The following ABI2 variants were observed in gnomAD, a reference collection of about 807,000 sequenced individuals.
The protein encoded by ABI2 is abl interactor 2, also known as abelson interactor 2.
Under a neutral mutation model 59.2 loss-of-function variants are expected in ABI2, and 25 were observed. The observed-to-expected ratio is 0.42, with a 90% CI of 0.31 to 0.59. The LOEUF is 0.59. Ranked by LOEUF, ABI2 falls within the 20% of genes least tolerant of loss-of-function variation. The probability of loss-of-function intolerance (pLI) is 0.14; values close to 1 mark genes in which losing one functional copy is unlikely to be tolerated. For synonymous variants in ABI2, 213 were observed against 235.5 expected (o/e 0.90, Z 0.87); for missense variants, 545 against 681.8 (o/e 0.80, Z 2.23).
rs1166210287 is a variant in ABI2, at chr2:203,392,715, G to GATT, written c.578+1572_578+1573insATT. Among the ~76,000 whole-genome samples the GATT allele has an allele frequency of 6.9e-4, 105 of 152,214 alleles. 1 individual carries two copies. Among genetic ancestry groups the GATT allele is most frequent in the Non-Finnish European group, 8.2e-4 (56 of 68,010 alleles). ...GTGTAGTGCCTTATGGATTTTGTTG[G>GATT]GTTTTAAGTCAAGATTGTTAGTAAG... On this transcript the variant is annotated intron_variant, in intron 5 of 11. Coordinates refer to ENST00000261018, the MANE Select transcript of ABI2 (RefSeq NM_001375670.1).
chr2:203,426,576 T>C (rs951587299), intron 11 of ABI2, among the ~76,000 whole-genome samples: 2 of 152,136 alleles, frequency 1.3e-5, no homozygotes, highest in African/African-American at 2.4e-5. Context: ...GTGCAGCATA[T>C]GTTTTGAAAA....
intron 11 of ABI2, among the ~76,000 whole-genome samples, chr2:203,424,236 G>A (rs987844280): frequency 2.6e-5 from 4 of 152,190 alleles, no homozygotes; most frequent in Non-Finnish European, 4.4e-5. Flanking sequence ...CCGCTTTAGA[G>A]TTACTTTGAT....
At chr2:203,398,491 TA>T (rs1409702965) in intron 8 of ABI2, among the ~76,000 whole-genome samples, 1 of 152,240 alleles carries the variant, frequency 6.6e-6, no homozygotes, top group Non-Finnish European at 1.5e-5. Context: ...ATTAATAATT[TA>T]TATCAGGATA....
chr2:203,394,638 C>T, intron 5 of ABI2, 62 bp from the exon 6 acceptor site: 2 of 1,526,700 alleles, frequency 1.3e-6, no homozygotes, highest in Non-Finnish European at 1.8e-6. Context: ...GCTGGCAACT[C>T]TTTGAATTTA....
intron 11 of ABI2, 38 bp downstream of exon 11, chr2:203,417,119 AC>A: frequency 6.6e-7 from 1 of 1,504,984 alleles, no homozygotes; most frequent in Non-Finnish European, 8.9e-7. Flanking sequence ...ATGGGAAGAA[AC>A]CTCTACATAG....
Position 203,426,785 on chromosome 2 carries a change from T to TA in ABI2, c.1454-373dup, listed in dbSNP as rs59683844. 5.8e-3 allele frequency among the ~76,000 whole-genome samples: 769 copies of TA among 131,806 alleles called. 2 individuals carry two copies. Among genetic ancestry groups the TA allele is most frequent in the Admixed American group, 8.8e-3 (115 of 13,090 alleles). The allele number at this position is 131,806 out of a possible 152,430, so 86.5% of individuals were successfully genotyped here. A position where few individuals can be genotyped will look rare whatever the true frequency, so the allele number is the denominator to read the frequency against. On this transcript the variant is annotated intron_variant, in intron 11 of 11. Transcript: ENST00000261018. ...ATAATTCTAAGGTAAAGAAAAGCTT[T>TA]AAAAAAAAAAAAAAAAAAACCACAA...
At chr2:203,367,151 G>A (rs1296789402) in intron 2 of ABI2, 107 bp downstream of exon 2, 6 of 1,341,326 alleles carry the variant, frequency 4.5e-6, no homozygotes, top group Non-Finnish European at 5.8e-6. Context: ...TCACATGTAC[G>A]ATTTGGAAAA....
intron 9 of ABI2, among the ~76,000 whole-genome samples, chr2:203,405,383 T>C (rs529898088): frequency 6.6e-6 from 1 of 152,314 alleles, no homozygotes; most frequent in South Asian, 2.1e-4. Flanking sequence ...TATTTTATAT[T>C]CATTAGAATA....
rs1271392474 is a variant in ABI2 at position 203,430,709 on chromosome 2, C to T, written c.*3357C>T. ...GTGGCCTGCTAATTTTGCTATGTTC[C>T]TAAAAGTTACTGGGTGTGAGACATT... On this transcript the variant is annotated 3_prime_UTR_variant, in exon 12 of 12. Transcript: ENST00000261018. 1 of 152,140 alleles carries T rather than the reference C, an allele frequency of 6.6e-6. No individual in the cohort carries two copies. Among genetic ancestry groups the T allele is most frequent in the African/African-American group, 2.4e-5 (1 of 41,440 alleles). The allele number at this position is 152,140 out of a possible 1,614,324, so 9.4% of individuals were successfully genotyped here. A position where few individuals can be genotyped will look rare whatever the true frequency, so the allele number is the denominator to read the frequency against.
chr2:203,415,541 CG>C (rs2097855288), intron 10 of ABI2, among the ~76,000 whole-genome samples: 1 of 138,102 alleles, frequency 7.2e-6, no homozygotes. Context: ...GGCATGAACC[CG>C]GGAGGCAGAG....
intron 4 of ABI2, 44 bp from the exon 5 acceptor site, chr2:203,391,002 T>A (rs769708409): frequency 6.6e-7 from 1 of 1,521,590 alleles, no homozygotes; most frequent in South Asian, 1.1e-5. Context: ...AAGTGCCACT[T>A]TATTTCACTG....
chr2:203,359,519 A>G (rs547205698), intron 1 of ABI2, among the ~76,000 whole-genome samples: 1 of 152,342 alleles, frequency 6.6e-6, no homozygotes, highest in East Asian at 1.9e-4. Context: ...GTGCAAGTAT[A>G]TAAATGTATG....
intron 9 of ABI2, among the ~76,000 whole-genome samples, chr2:203,404,810 T>C (rs2097360397): frequency 6.6e-6 from 1 of 152,158 alleles, no homozygotes; most frequent in African/African-American, 2.4e-5. Context: ...CCACTTGCCT[T>C]GGCCTCCCAA....
chr2:203,431,870 TATC>T lies in ABI2; in HGVS notation c.*4521_*4523del, dbSNP rs1196989255. The T allele has an allele frequency of 6.6e-6, 1 of 152,326 alleles. No individual in the cohort carries two copies. The highest frequency in any genetic ancestry group is 3.4e-3 in the Middle Eastern group (1 of 294). The allele number at this position is 152,326 out of a possible 1,614,324, so 9.4% of individuals were successfully genotyped here. A position where few individuals can be genotyped will look rare whatever the true frequency, so the allele number is the denominator to read the frequency against. ...AAGAATTCTATGGAAAAGCAGTTTT[TATC>T]ATATTTTGTGTCCATGCACCATTTT... On this transcript the variant is annotated 3_prime_UTR_variant, in exon 12 of 12. Transcript: ENST00000261018.
At chr2:203,403,742 GTTTTTT>G (rs56123341) in intron 9 of ABI2, among the ~76,000 whole-genome samples, 1 of 95,304 alleles carries the variant, frequency 1.0e-5, no homozygotes, top group Non-Finnish European at 1.9e-5. Flanking sequence ...CTTTCTTTCT[GTTTTTT>G]TTTTTTTTTT....
In ABI2 at chr2:203,366,974, T is replaced by C; in HGVS notation, c.215T>C (p.Val72Ala). The C allele has an allele frequency of 6.2e-7, 1 of 1,613,944 alleles. No individual in the cohort carries two copies. Among genetic ancestry groups the C allele is most frequent in the African/African-American group, 1.3e-5 (1 of 75,034 alleles). ...CTGATAAACACCTTGGCCAACAATG[T>C]CCTGCAGATGCTGGATATCCAGGCA... ...AYLINTLANN[V>A]LQMLDIQASQ... The change falls in exon 2 of 12, where the codon GTC (valine) becomes GCC (alanine). Residue 72 changes from valine (V) to alanine (A), a missense_variant. This residue lies in a region of ABI2 where 36 missense variants were observed against 80.0 expected (regional missense o/e 0.45). Coordinates refer to ENST00000261018, the MANE Select transcript of ABI2 (RefSeq NM_001375670.1).
At chr2:203,396,367 T>A (rs75537332) in intron 7 of ABI2, among the ~76,000 whole-genome samples, 5,695 of 152,154 alleles carry the variant, frequency 0.037, 342 homozygotes, top group African/African-American at 0.13. Context: ...GATTTGTGTT[T>A]TAAAAAAAAT....
At position 203,385,032 on chromosome 2, in the gene ABI2, G is replaced by A. The variant is rs187740640; in HGVS notation, c.480+2826G>A. On this transcript the variant is annotated intron_variant, in intron 4 of 11. Coordinates refer to ENST00000261018, the MANE Select transcript of ABI2 (RefSeq NM_001375670.1). The stretch of plus-strand genomic sequence containing the variant: ...GTACTTTTAGTAGAGACAGGGTTTC[G>A]CCATGTTGGCCAGGTTGGTCTCAAA... Among the ~76,000 whole-genome samples, 91 of 151,434 alleles carry A rather than the reference G, an allele frequency of 6.0e-4. 1 individual carries two copies. Among genetic ancestry groups the A allele is most frequent in the Middle Eastern group, 3.4e-3 (1 of 292 alleles).
chr2:203,390,230 A>G (rs1034951766), intron 4 of ABI2, among the ~76,000 whole-genome samples: 1 of 152,220 alleles, frequency 6.6e-6, no homozygotes, highest in Non-Finnish European at 1.5e-5. Context: ...AATTTTCTGT[A>G]TATATTACAT....
Sources: allele counts gnomAD v4.1 joint callset (sites outside exome capture counted in the v4.1 genomes callset), GRCh38; gene constraint gnomAD v4.1.1; regional missense constraint gnomAD v4.1.1; transcripts MANE v1.5; gene names NCBI Gene and HGNC (gene_info 2026-07-23, HGNC 2026-07-21).